The following NMNAT2 variants were observed in gnomAD, a reference collection of about 807,000 sequenced individuals.
NMNAT2 encodes the protein nicotinamide/nicotinic acid mononucleotide adenylyltransferase 2.
A neutral mutation model predicts 41.6 loss-of-function variants in NMNAT2; 11 were observed. That is an observed-to-expected ratio of 0.26 (90% CI 0.17 to 0.44). The LOEUF is 0.44. Ranked by LOEUF, NMNAT2 falls within the 20% of genes least tolerant of loss-of-function variation. NMNAT2 has a pLI of 1.00. For synonymous variants in NMNAT2, 148 were observed against 151.2 expected (o/e 0.98, Z 0.16); for missense variants, 288 against 407.7 (o/e 0.71, Z 2.53).
chr1:183,328,215 C>T (rs1450347172), intron 1 of NMNAT2, among the ~76,000 whole-genome samples: 1 of 152,030 alleles, frequency 6.6e-6, no homozygotes, highest in African/African-American at 2.4e-5. Context: ...TGCCGCAGGC[C>T]AGGACCCTGG....
At chr1:183,356,859 G>T (rs1663200983) in intron 1 of NMNAT2, among the ~76,000 whole-genome samples, 1 of 152,206 alleles carries the variant, frequency 6.6e-6, no homozygotes, top group African/African-American at 2.4e-5. Context: ...TTCATGCATA[G>T]AATCAGGTCT....
At position 183,252,516 on chromosome 1, in the gene NMNAT2, G is replaced by C. The variant is rs1237984331; in HGVS notation, c.*125C>G. On this transcript the variant is annotated 3_prime_UTR_variant, in exon 11 of 11. Coordinates refer to ENST00000287713, the MANE Select transcript of NMNAT2 (RefSeq NM_015039.4). ...TTCTCTGCAGGTCCCCCACACTATG[G>C]GGGGTTAAGTCAGCAAGTAGGGAAA... 6 of 766,192 alleles carry C rather than the reference G, an allele frequency of 7.8e-6. No individual in the cohort carries two copies. The African/African-American group carries it at 8.5e-5, about 11-fold the overall frequency. 47.5% of individuals were successfully genotyped at this position (766,192 alleles called of 1,614,324 possible). A position where few individuals can be genotyped will look rare whatever the true frequency, so the allele number is the denominator to read the frequency against.
intron 8 of NMNAT2, among the ~76,000 whole-genome samples, chr1:183,267,751 T>G (rs1002230634): frequency 6.6e-6 from 1 of 152,122 alleles, no homozygotes; most frequent in African/African-American, 2.4e-5. Context: ...ACCTCCTGTC[T>G]TCATGAAGAG....
At chr1:183,398,393 G>C (rs1648715957) in intron 1 of NMNAT2, among the ~76,000 whole-genome samples, 2 of 152,138 alleles carry the variant, frequency 1.3e-5, no homozygotes, top group South Asian at 2.1e-4. Flanking sequence ...CAATACAGGA[G>C]CACCCAGATT....
At chr1:183,312,367 A>C (rs1284194942) in intron 1 of NMNAT2, among the ~76,000 whole-genome samples, 2 of 150,554 alleles carry the variant, frequency 1.3e-5, no homozygotes, top group Non-Finnish European at 2.9e-5. Context: ...AGTAGGTGGG[A>C]TTACAGTAGG....
chr1:183,286,948 T>C (rs1661416289), intron 4 of NMNAT2, among the ~76,000 whole-genome samples, 160 bp from the exon 5 acceptor site: 1 of 151,974 alleles, frequency 6.6e-6, no homozygotes, highest in Non-Finnish European at 1.5e-5. Context: ...ATGTGGTCAC[T>C]AGGCTGGCAG....
chr1:183,272,091 G>A (rs968691580), intron 8 of NMNAT2, among the ~76,000 whole-genome samples: 1 of 152,112 alleles, frequency 6.6e-6, no homozygotes, highest in African/African-American at 2.4e-5. Context: ...CACAGTGATG[G>A]ACAAAGCAGC....
intron 1 of NMNAT2, among the ~76,000 whole-genome samples, chr1:183,392,624 C>A (rs1356135943): frequency 6.6e-6 from 1 of 152,228 alleles, no homozygotes; most frequent in African/African-American, 2.4e-5. Context: ...TGTCTCTAAT[C>A]CCATCTACCA....
At chr1:183,270,486 AGAGTCCAGCAGGT>A (rs1660956179) in intron 8 of NMNAT2, among the ~76,000 whole-genome samples, 1 of 152,044 alleles carries the variant, frequency 6.6e-6, no homozygotes, top group African/African-American at 2.4e-5. Flanking sequence ...CAGTAAGGTC[AGAGTCCAGCAGGT>A]GGAAATGCAT....
chr1:183,389,098 A>G (rs781756995), intron 1 of NMNAT2, among the ~76,000 whole-genome samples: 9 of 152,140 alleles, frequency 5.9e-5, no homozygotes, highest in Non-Finnish European at 8.8e-5. Context: ...CTAAATCTTC[A>G]TCAGGTATCT....
At chr1:183,267,674 T>C (rs1660852819) in intron 8 of NMNAT2, among the ~76,000 whole-genome samples, 1 of 152,122 alleles carries the variant, frequency 6.6e-6, no homozygotes, top group Non-Finnish European at 1.5e-5. Flanking sequence ...ATCCCCTTCC[T>C]ATGCCGCCTG....
chr1:183,253,982 A>G (rs1660458478), intron 10 of NMNAT2, among the ~76,000 whole-genome samples: 1 of 151,416 alleles, frequency 6.6e-6, no homozygotes. Context: ...TTATCTATTC[A>G]TCCATTGATG....
At chr1:183,322,732 C>T (rs768562422) in intron 1 of NMNAT2, among the ~76,000 whole-genome samples, 3 of 152,208 alleles carry the variant, frequency 2.0e-5, no homozygotes, top group African/African-American at 7.2e-5. Flanking sequence ...CAGGACCACA[C>T]AGCAAAGCCT....
intron 10 of NMNAT2, 45 bp downstream of exon 10, chr1:183,260,957 T>C (rs1310441599): frequency 6.9e-7 from 1 of 1,453,612 alleles, no homozygotes. Context: ...TGGAGACTTA[T>C]AAGACAGTTT....
intron 1 of NMNAT2, among the ~76,000 whole-genome samples, chr1:183,373,284 C>T (rs1346661265): frequency 6.6e-6 from 1 of 152,248 alleles, no homozygotes; most frequent in Non-Finnish European, 1.5e-5. Context: ...AGTCGGTATT[C>T]TCTATGTGGT....
At chr1:183,321,022 C>T (rs1173922269) in intron 1 of NMNAT2, among the ~76,000 whole-genome samples, 1 of 152,152 alleles carries the variant, frequency 6.6e-6, no homozygotes, top group African/African-American at 2.4e-5. Context: ...TAGATGGCCT[C>T]ATATCTGAAC....
At chr1:183,412,223 T>TTTTG (rs1416469291) in intron 1 of NMNAT2, among the ~76,000 whole-genome samples, 2 of 152,190 alleles carry the variant, frequency 1.3e-5, no homozygotes, top group East Asian at 3.8e-4. Flanking sequence ...CACTCTGTTT[T>TTTTG]TTTGTTTGTT....
chr1:183,276,744 A>G (rs1405078540), intron 8 of NMNAT2, among the ~76,000 whole-genome samples: 1 of 152,264 alleles, frequency 6.6e-6, no homozygotes, highest in East Asian at 1.9e-4. Flanking sequence ...GATTCTTGAA[A>G]GAGCTTTGAT....
chr1:183,317,909 A>G (rs1309718301), intron 1 of NMNAT2, among the ~76,000 whole-genome samples: 1 of 152,226 alleles, frequency 6.6e-6, no homozygotes, highest in Non-Finnish European at 1.5e-5. Flanking sequence ...TATGGGCTGG[A>G]TTCTATGCTG....
Sources: gnomAD v4.1 joint callset for allele counts (sites outside exome capture counted in the v4.1 genomes callset) on GRCh38, gnomAD v4.1.1 for gene constraint, MANE v1.5 for transcripts, NCBI Gene and HGNC (gene_info 2026-07-23, HGNC 2026-07-21) for gene names.